Variants in RPS6KC1 observed in about 807,000 individuals in gnomAD.
RPS6KC1 encodes inactive ribosomal protein S6 kinase delta-1.
Under a neutral mutation model 103.8 loss-of-function variants are expected in RPS6KC1, and 54 were observed. The ratio of observed to expected loss-of-function variants is 0.52; its 90% confidence interval spans 0.42 to 0.65. The LOEUF is 0.65. RPS6KC1 is among the 30% of genes least tolerant of loss of function. The probability of loss-of-function intolerance (pLI) is 0.00; values close to 1 mark genes in which losing one functional copy is unlikely to be tolerated. For missense variants in RPS6KC1, 1,151 were observed against 1,253.8 expected (o/e 0.92, Z 1.24); for synonymous variants, 439 against 438.7 (o/e 1.00, Z -0.01).
the RPS6KC1 span, among the ~76,000 whole-genome samples, chr1:213,633,194 AG>A: frequency 6.6e-6 from 1 of 152,218 alleles, no homozygotes; most frequent in Admixed American, 6.5e-5. Flanking sequence ...GGAAATACAG[AG>A]AACACCACAA....
chr1:213,289,253 C>CA, the RPS6KC1 span, among the ~76,000 whole-genome samples: 25,509 of 77,262 alleles, frequency 0.33, 5,116 homozygotes, highest in African/African-American at 0.44. Context: ...GTTGGATGCT[C>CA]AAAAAAAAAA....
the RPS6KC1 span, among the ~76,000 whole-genome samples, chr1:213,613,147 G>A: frequency 1.3e-5 from 2 of 152,240 alleles, no homozygotes; most frequent in South Asian, 2.1e-4. Flanking sequence ...TCACTGGACC[G>A]TTATTATGAA....
intron 10 of RPS6KC1, among the ~76,000 whole-genome samples, chr1:213,239,666 T>C (rs2094306477): frequency 6.6e-6 from 1 of 152,216 alleles, no homozygotes; most frequent in Non-Finnish European, 1.5e-5. Flanking sequence ...GTCTTCTTTA[T>C]ATGAATAGAG....
At chr1:213,409,901 G>A in the RPS6KC1 span, among the ~76,000 whole-genome samples, 8 of 152,336 alleles carry the variant, frequency 5.3e-5, no homozygotes, top group South Asian at 6.2e-4. Flanking sequence ...AGTGGCTCAC[G>A]CCTGTAATCC....
At chr1:213,440,076 C>T in the RPS6KC1 span, among the ~76,000 whole-genome samples, 2 of 152,130 alleles carry the variant, frequency 1.3e-5, no homozygotes, top group Non-Finnish European at 2.9e-5. Flanking sequence ...CAATTACCTT[C>T]CATTGGAATG....
chr1:213,642,414 G>A, the RPS6KC1 span, among the ~76,000 whole-genome samples: 1 of 152,092 alleles, frequency 6.6e-6, no homozygotes, highest in African/African-American at 2.4e-5. Flanking sequence ...CAGTGAGACT[G>A]AGCATCTTTT....
At chr1:213,556,535 A>G in the RPS6KC1 span, among the ~76,000 whole-genome samples, 1 of 152,186 alleles carries the variant, frequency 6.6e-6, no homozygotes, top group Non-Finnish European at 1.5e-5. Context: ...GAAGAACAGA[A>G]TTGGTGGATG....
chr1:213,765,104 A>C, the RPS6KC1 span, among the ~76,000 whole-genome samples: 1 of 152,138 alleles, frequency 6.6e-6, no homozygotes, highest in African/African-American at 2.4e-5. Flanking sequence ...CTGGTGCACC[A>C]AGCTCCTTTC....
At chr1:213,277,442 C>T (rs527299462), downstream of RPS6KC1, among the ~76,000 whole-genome samples, 8 of 152,256 alleles carry the variant, frequency 5.3e-5, no homozygotes, top group Admixed American at 1.3e-4. Flanking sequence ...AGAAAGTAAC[C>T]TGAGTGAGTA....
At chr1:213,262,930 A>G in intron 14 of RPS6KC1, 114 bp downstream of exon 14, 1 of 716,376 alleles carries the variant, frequency 1.4e-6, no homozygotes, top group Admixed American at 2.1e-5. Flanking sequence ...ATTTAACGTA[A>G]AACAAAGACA....
the RPS6KC1 span, among the ~76,000 whole-genome samples, chr1:213,807,745 T>C: frequency 2.7e-3 from 410 of 152,256 alleles, 4 homozygotes; most frequent in African/African-American, 9.6e-3. Context: ...TAGCTCGTAG[T>C]TTGATTGTCT....
At chr1:213,772,455 A>T in the RPS6KC1 span, among the ~76,000 whole-genome samples, 1 of 152,222 alleles carries the variant, frequency 6.6e-6, no homozygotes. Flanking sequence ...CAAAAATAAA[A>T]GTTTTCAAAG....
At chr1:213,321,227 T>C in the RPS6KC1 span, among the ~76,000 whole-genome samples, 2,124 of 152,330 alleles carry the variant, frequency 0.014, 35 homozygotes, top group African/African-American at 0.048. Context: ...GTCCTTGTGA[T>C]GGTATAAGTT....
intron 3 of RPS6KC1, among the ~76,000 whole-genome samples, chr1:213,086,113 A>G (rs1324260322): frequency 6.6e-6 from 1 of 152,040 alleles, no homozygotes; most frequent in African/African-American, 2.4e-5. Flanking sequence ...TCCATCCTTC[A>G]TTGCTTTGTC....
chr1:213,578,628 G>A, the RPS6KC1 span, among the ~76,000 whole-genome samples: 1 of 150,606 alleles, frequency 6.6e-6, no homozygotes, highest in Non-Finnish European at 1.5e-5. Context: ...GAACTTTAAG[G>A]TTTAATGACT....
chr1:213,581,465 G>C, the RPS6KC1 span, among the ~76,000 whole-genome samples: 1 of 152,032 alleles, frequency 6.6e-6, no homozygotes, highest in Non-Finnish European at 1.5e-5. Flanking sequence ...GTCCCAGTCC[G>C]ATCCCAGGAA....
At chr1:213,381,960 G>A in the RPS6KC1 span, among the ~76,000 whole-genome samples, 1 of 152,184 alleles carries the variant, frequency 6.6e-6, no homozygotes, top group Non-Finnish European at 1.5e-5. Flanking sequence ...GACTGGTTTT[G>A]CATCAGTCAG....
chr1:213,550,618 G>A, the RPS6KC1 span, among the ~76,000 whole-genome samples: 1 of 152,126 alleles, frequency 6.6e-6, no homozygotes, highest in East Asian at 1.9e-4. Context: ...ACATCTTGAT[G>A]GAATCGCAGT....
At chr1:213,574,528 C>T in the RPS6KC1 span, among the ~76,000 whole-genome samples, 1 of 152,162 alleles carries the variant, frequency 6.6e-6, no homozygotes, top group Non-Finnish European at 1.5e-5. Context: ...ATATCTCTTT[C>T]CTTTAGTAAG....
Sources: gnomAD v4.1 joint callset for allele counts (sites outside exome capture counted in the v4.1 genomes callset) on GRCh38, gnomAD v4.1.1 for gene constraint, MANE v1.5 for transcripts, NCBI Gene and HGNC (gene_info 2026-07-23, HGNC 2026-07-21) for gene names.